Variants in ZNF569 observed in about 807,000 individuals in gnomAD.
ZNF569 encodes the protein DNA-binding protein.
In ZNF569, 38 loss-of-function variants were observed where a neutral mutation model predicts 56.3. That is an observed-to-expected ratio of 0.68 (90% CI 0.52 to 0.88). The LOEUF is 0.88. Ranked by LOEUF, ZNF569 falls within the 40% of genes least tolerant of loss-of-function variation. The probability of loss-of-function intolerance (pLI) is 0.00; values close to 1 mark genes in which losing one functional copy is unlikely to be tolerated. For missense variants in ZNF569, 666 were observed against 809.2 expected, an observed-to-expected ratio of 0.82 and a Z score of 2.15; for synonymous variants, 241 against 262.9, an observed-to-expected ratio of 0.92 and a Z score of 0.81.
At chr19:37,424,815 CAAAAAAAAAAA>C (rs71177448) in intron 5 of ZNF569, among the ~76,000 whole-genome samples, 8 of 33,554 alleles carry the variant, frequency 2.4e-4, no homozygotes, top group African/African-American at 8.8e-4. Flanking sequence ...GACTCTGTCT[CAAAAAAAAAAA>C]AAAAAAAAAA....
At chr19:37,442,689 A>G (rs976199407) in intron 3 of ZNF569, among the ~76,000 whole-genome samples, 4 of 152,214 alleles carry the variant, frequency 2.6e-5, no homozygotes, top group African/African-American at 9.7e-5. Context: ...GACATGGATT[A>G]TAAGATCCAT....
In ZNF569 at chr19:37,412,799, G is replaced by A. The variant is rs2040859664; in HGVS notation, c.1859C>T (p.Ser620Phe). The change falls in exon 6 of 6, where the codon TCC becomes TTC. Residue 620 changes from serine (S) to phenylalanine (F), a missense_variant. Transcript: ENST00000316950. ...KCGKAFSQSS[S>F]LTIHIRGHTG... ...ATGTCCTCGTATATGTATAGTAAGG[G>A]ATGAGCTTTGGGAGAAGGCTTTTCC... The A allele has an allele frequency of 6.2e-7, 1 of 1,613,826 alleles. No homozygotes were observed. Among genetic ancestry groups the A allele is most frequent in the African/African-American group, 1.3e-5 (1 of 74,892 alleles).
chr19:37,438,570 C>A lies in ZNF569; in HGVS notation c.15+6337G>T, dbSNP rs1326072823. Among the ~76,000 whole-genome samples the A allele has an allele frequency of 2.6e-5, 4 of 152,072 alleles. No homozygotes were observed. The East Asian group carries it at 5.8e-4, about 22-fold the overall frequency. On this transcript the variant is annotated intron_variant, in intron 3 of 5. Coordinates refer to ENST00000316950, the MANE Select transcript of ZNF569 (RefSeq NM_152484.3). ...CCATATGCAGAAAAATGAAACCAGA[C>A]CCCTATCTCTTGCCATACACAAAAA...
At chr19:37,427,835 T>C (rs756223526) in intron 3 of ZNF569, 1 of 515,942 alleles carries the variant, frequency 1.9e-6, no homozygotes, top group Non-Finnish European at 3.9e-6. Context: ...AAGCATTTGG[T>C]GAGGAAGTGG....
rs990325445 is a variant in ZNF569, at chr19:37,467,443, G to A, written c.-564C>T. ...GAATCGAATCGTTCCGCTGCTTCCT[G>A]CGCCGAACTACATTTCCCAGAGGCC... On this transcript the variant is annotated 5_prime_UTR_variant, in exon 1 of 6. Coordinates refer to ENST00000316950, the MANE Select transcript of ZNF569 (RefSeq NM_152484.3). 1 of 179,778 alleles carries A rather than the reference G, an allele frequency of 5.6e-6. No homozygotes were observed. The highest frequency in any genetic ancestry group is 2.4e-5 in the African/African-American group (1 of 42,146). 11.1% of individuals were successfully genotyped at this position (179,778 alleles called of 1,614,324 possible).
At chr19:37,451,086 T>G (rs569218586) in intron 2 of ZNF569, among the ~76,000 whole-genome samples, 2 of 152,292 alleles carry the variant, frequency 1.3e-5, no homozygotes, top group Admixed American at 1.3e-4. Context: ...GAATATGTAT[T>G]CTACAGCTGT....
intron 2 of ZNF569, among the ~76,000 whole-genome samples, chr19:37,446,941 A>G (rs1182422013): frequency 6.6e-6 from 1 of 152,220 alleles, no homozygotes; most frequent in Non-Finnish European, 1.5e-5. Context: ...AAAGTGGGCT[A>G]GGACATGAAT....
chr19:37,418,789 C>CAGAT (rs973075723), intron 5 of ZNF569, among the ~76,000 whole-genome samples: 2 of 152,040 alleles, frequency 1.3e-5, no homozygotes, highest in Non-Finnish European at 2.9e-5. Flanking sequence ...GAAATGGAAC[C>CAGAT]AGATAGACTC....
At chr19:37,458,529 T>C (rs987566503) in intron 2 of ZNF569, among the ~76,000 whole-genome samples, 2 of 152,196 alleles carry the variant, frequency 1.3e-5, no homozygotes, top group Non-Finnish European at 2.9e-5. Flanking sequence ...AACTTTATCA[T>C]TTGATTGGGA....
At chr19:37,434,328 A>G (rs1307228655) in intron 3 of ZNF569, among the ~76,000 whole-genome samples, 2 of 151,938 alleles carry the variant, frequency 1.3e-5, no homozygotes, top group Non-Finnish European at 2.9e-5. Flanking sequence ...AAAGATGAGA[A>G]GATGAATCAA....
In ZNF569 at chr19:37,414,099, T is replaced by A; in HGVS notation, c.559A>T (p.Lys187Ter). 1 of 1,613,808 alleles carries A rather than the reference T, an allele frequency of 6.2e-7. No homozygotes were observed. The highest frequency in any genetic ancestry group is 8.5e-7 in the Non-Finnish European group (1 of 1,179,904). The change falls in exon 6 of 6, where the codon AAG becomes TAG. Residue 187 changes from lysine to a stop codon, truncating the protein, a stop_gained. Coordinates refer to ENST00000316950, the MANE Select transcript of ZNF569 (RefSeq NM_152484.3). LOFTEE classifies it high-confidence loss of function. ...AAGCCTTTTCCACAATGATTACACT[T>A]AAAGGGGGTAATGACAAAATGGGAT... ...SSSHFVITPF[K>*]CNHCGKGFNQ...
At chr19:37,424,975 C>T (rs902573993) in intron 5 of ZNF569, among the ~76,000 whole-genome samples, 2 of 151,768 alleles carry the variant, frequency 1.3e-5, no homozygotes, top group African/African-American at 4.8e-5. Flanking sequence ...AAAAAATTAG[C>T]AGGGTGTGGT....
intron 2 of ZNF569, among the ~76,000 whole-genome samples, chr19:37,459,185 A>G (rs190827350): frequency 1.3e-5 from 2 of 152,266 alleles, no homozygotes; most frequent in African/African-American, 2.4e-5. Context: ...AGTGACACAC[A>G]CCAAACCATA....
chr19:37,425,034 AC>A (rs2041103059), intron 5 of ZNF569, among the ~76,000 whole-genome samples: 1 of 151,184 alleles, frequency 6.6e-6, no homozygotes, highest in Admixed American at 6.6e-5. Context: ...CAGGAAAATC[AC>A]TTGAACCTGG....
chr19:37,450,245 T>C (rs1323196839), intron 2 of ZNF569, among the ~76,000 whole-genome samples: 1 of 152,216 alleles, frequency 6.6e-6, no homozygotes, highest in Non-Finnish European at 1.5e-5. Context: ...CTTTAAATGT[T>C]TGGTAGAATT....
chr19:37,466,467 T>C (rs1378995545), intron 1 of ZNF569, among the ~76,000 whole-genome samples: 1 of 151,950 alleles, frequency 6.6e-6, no homozygotes, highest in East Asian at 1.9e-4. Context: ...CCGTCTCTAC[T>C]AAAAATACAA....
chr19:37,467,465 G>A, upstream of ZNF569: 2 of 193,884 alleles, frequency 1.0e-5, no homozygotes, highest in South Asian at 1.1e-4. Flanking sequence ...ATTTCCCAGA[G>A]GCCTTCGCGG....
intron 3 of ZNF569, among the ~76,000 whole-genome samples, chr19:37,430,659 G>A (rs140125060): frequency 2.7e-5 from 4 of 150,934 alleles, no homozygotes; most frequent in South Asian, 4.2e-4. Flanking sequence ...CTCCCCACAG[G>A]AACACCAAAT....
chr19:37,414,256 G>T lies in ZNF569; in HGVS notation c.402C>A (p.His134Gln), dbSNP rs781503560. ...CAAATAAGTCATACTCATAGAGATT[G>T]TGTCTGGAAGGGAAAAAATCAGAGT... ...PLNSDFFPSRHNLYEYDLFGK... is the reference protein window; with the variant it reads ...PLNSDFFPSRQNLYEYDLFGK... Residue 134 changes from histidine (H) to glutamine (Q), a missense_variant, in exon 6 of 6, where the codon CAC (histidine) becomes CAA (glutamine). By Grantham distance (24) the His-to-Gln change is conservative. Coordinates refer to ENST00000316950, the MANE Select transcript of ZNF569 (RefSeq NM_152484.3). 6 of 1,613,502 alleles carry T rather than the reference G, an allele frequency of 3.7e-6. No individual in the cohort carries two copies. The Admixed American group carries it at 5.0e-5, about 13-fold the overall frequency.
Sources: gnomAD v4.1 joint callset for allele counts (sites outside exome capture counted in the v4.1 genomes callset) on GRCh38, gnomAD v4.1.1 for gene constraint, MANE v1.5 for transcripts, NCBI Gene and HGNC (gene_info 2026-07-23, HGNC 2026-07-21) for gene names.